The following MSI2 variants were observed in gnomAD, a reference collection of about 807,000 sequenced individuals.
MSI2 encodes the protein musashi RNA binding protein 2.
Under a neutral mutation model 45.6 loss-of-function variants are expected in MSI2, and 17 were observed. That is an observed-to-expected ratio of 0.37 (90% CI 0.26 to 0.56). The LOEUF is 0.56. Among genes scored for constraint, MSI2 ranks in the 20% least tolerant of loss-of-function variants. The probability of loss-of-function intolerance (pLI) is 0.77; values close to 1 mark genes in which losing one functional copy is unlikely to be tolerated. For synonymous variants in MSI2, 156 were observed against 158.2 expected (o/e 0.99, Z 0.11); for missense variants, 293 against 444.2 (o/e 0.66, Z 3.06).
At position 57,427,346 on chromosome 17, in the gene MSI2, G is replaced by A. The variant is rs187245927; in HGVS notation, c.405+25875G>A. Among the ~76,000 whole-genome samples, 111 of 152,024 alleles carry A rather than the reference G, an allele frequency of 7.3e-4. 2 individuals carry two copies. Among genetic ancestry groups the A allele is most frequent in the Admixed American group, 2.0e-3 (30 of 15,298 alleles). ...CTAGGAGGTGGAGGTTGCAGTGAGC[G>A]GAGATCGCACCACTGCACTCCAGCC... On this transcript the variant is annotated intron_variant, in intron 6 of 13. Transcript: ENST00000284073.
chr17:57,677,931 T>A (rs1249772967), intron 13 of MSI2, among the ~76,000 whole-genome samples: 1 of 152,168 alleles, frequency 6.6e-6, no homozygotes, highest in Non-Finnish European at 1.5e-5. Context: ...GTGTACTGTG[T>A]TAGCACGTTA....
intron 6 of MSI2, among the ~76,000 whole-genome samples, chr17:57,514,883 C>G (rs1567871010): frequency 6.6e-6 from 1 of 152,030 alleles, no homozygotes; most frequent in African/African-American, 2.4e-5. Context: ...TTCCTTACCT[C>G]AAAAAATCTA....
chr17:57,361,549 T>C (rs141967017), intron 5 of MSI2, among the ~76,000 whole-genome samples: 2 of 151,202 alleles, frequency 1.3e-5, no homozygotes, highest in East Asian at 1.9e-4. Context: ...AGAGGTTACA[T>C]TGAGGCAAGA....
rs529448901 is a variant in MSI2, at chr17:57,471,277, C to CT, written c.406-58368dup. Among the ~76,000 whole-genome samples the CT allele has an allele frequency of 4.7e-3, 394 of 83,680 alleles. 21 individuals carry two copies. The highest frequency in any genetic ancestry group is 0.011 in the African/African-American group (212 of 19,698). The allele number at this position is 83,680 out of a possible 152,430, so 54.9% of individuals were successfully genotyped here. On this transcript the variant is annotated intron_variant, in intron 6 of 13. Coordinates refer to ENST00000284073, the MANE Select transcript of MSI2 (RefSeq NM_138962.4). ...ATCAACCTGCGGCATTTATGGAGCA[C>CT]TTTTTTTTTTTTTTTTTTTTTTTTT... is the stretch of plus-strand genomic sequence containing the variant.
chr17:57,595,516 T>C (rs1338075712), intron 7 of MSI2, among the ~76,000 whole-genome samples: 1 of 152,136 alleles, frequency 6.6e-6, no homozygotes, highest in Non-Finnish European at 1.5e-5. Flanking sequence ...CATGGTCATT[T>C]CTGGGAGGGC....
chr17:57,666,051 C>T (rs1030282867), intron 11 of MSI2, among the ~76,000 whole-genome samples: 1 of 152,078 alleles, frequency 6.6e-6, no homozygotes, highest in African/African-American at 2.4e-5. Flanking sequence ...TTTGGAAAGG[C>T]AACAGGGTCC....
intron 7 of MSI2, among the ~76,000 whole-genome samples, chr17:57,544,472 A>T (rs1370568883): frequency 6.6e-6 from 1 of 152,110 alleles, no homozygotes. Context: ...TTCAAAATGC[A>T]CGGGGTAGGG....
intron 5 of MSI2, among the ~76,000 whole-genome samples, chr17:57,393,905 C>G (rs1385078750): frequency 6.6e-6 from 1 of 152,200 alleles, no homozygotes; most frequent in African/African-American, 2.4e-5. Flanking sequence ...TAGTCTCAAA[C>G]TACTGACCTC....
At chr17:57,320,813 G>A (rs113137993) in intron 5 of MSI2, among the ~76,000 whole-genome samples, 1 of 152,116 alleles carries the variant, frequency 6.6e-6, no homozygotes, top group African/African-American at 2.4e-5. Context: ...CAGAGGGTGT[G>A]TCAGGAAGGG....
chr17:57,678,678 G>A (rs943715690), intron 13 of MSI2, among the ~76,000 whole-genome samples: 1 of 152,164 alleles, frequency 6.6e-6, no homozygotes, highest in African/African-American at 2.4e-5. Context: ...GGGGTGGGGT[G>A]GGGTGGAATG....
chr17:57,581,618 GAC>G (rs1374923864), intron 7 of MSI2, among the ~76,000 whole-genome samples: 2 of 152,162 alleles, frequency 1.3e-5, no homozygotes, highest in Non-Finnish European at 2.9e-5. Context: ...GTTTCTCCCA[GAC>G]ACAGTCTTAG....
rs144001173 is a variant in MSI2 at position 57,632,707 on chromosome 17, C to G, written c.727+5404C>G. 2.2e-5 allele frequency: 23 copies of G among 1,066,000 alleles called. No individual in the cohort carries two copies. The African/African-American group carries it at 3.4e-4, about 16-fold the overall frequency. 66.0% of individuals were successfully genotyped at this position (1,066,000 alleles called of 1,614,324 possible). ...TTTCCCTAACTGAAATACACCCACT[C>G]TCTTGGAATAATGACGTACCACTCA... On this transcript the variant is annotated intron_variant, in intron 10 of 13. Transcript: ENST00000284073.
intron 6 of MSI2, among the ~76,000 whole-genome samples, chr17:57,497,945 G>T (rs1179479433): frequency 2.0e-5 from 3 of 152,172 alleles, no homozygotes; most frequent in Admixed American, 1.3e-4. Context: ...CTGGGCTGGG[G>T]TAACAGAAAG....
intron 6 of MSI2, among the ~76,000 whole-genome samples, chr17:57,521,425 CA>C (rs2086582146): frequency 6.6e-6 from 1 of 151,084 alleles, no homozygotes; most frequent in East Asian, 1.9e-4. Context: ...GGAAAAAAAA[CA>C]ATGGTTTTGT....
chr17:57,452,701 TATAATA>T (rs1417288224), intron 6 of MSI2, among the ~76,000 whole-genome samples: 1 of 152,172 alleles, frequency 6.6e-6, no homozygotes, highest in East Asian at 1.9e-4. Flanking sequence ...TTTTTGCAGT[TATAATA>T]ATAAATACTT....
intron 5 of MSI2, among the ~76,000 whole-genome samples, chr17:57,314,768 C>T (rs551659779): frequency 1.0e-3 from 158 of 152,068 alleles, no homozygotes; most frequent in African/African-American, 3.6e-3. Flanking sequence ...AACGGGGTTT[C>T]GCTATGTTGG....
chr17:57,491,348 A>G (rs1731412127), intron 6 of MSI2, among the ~76,000 whole-genome samples: 1 of 152,232 alleles, frequency 6.6e-6, no homozygotes, highest in Non-Finnish European at 1.5e-5. Flanking sequence ...CTCTTAGAAT[A>G]CCCAGATCCT....
At chr17:57,275,648 A>T (rs1446061870) in intron 5 of MSI2, among the ~76,000 whole-genome samples, 1 of 152,166 alleles carries the variant, frequency 6.6e-6, no homozygotes, top group African/African-American at 2.4e-5. Context: ...TTTACCAGGT[A>T]TTGCTGGGAA....
At chr17:57,387,499 G>A (rs1013076286) in intron 5 of MSI2, among the ~76,000 whole-genome samples, 7 of 152,180 alleles carry the variant, frequency 4.6e-5, no homozygotes, top group Admixed American at 3.3e-4. Context: ...TCTTCCTAAT[G>A]TGCAACAGTC....
Sources: allele counts gnomAD v4.1 joint callset (sites outside exome capture counted in the v4.1 genomes callset), GRCh38; gene constraint gnomAD v4.1.1; transcripts MANE v1.5; gene names NCBI Gene and HGNC (gene_info 2026-07-23, HGNC 2026-07-21).